The following ANAPC1 variants were observed in gnomAD, a reference collection of about 807,000 sequenced individuals.
ANAPC1 encodes anaphase-promoting complex subunit 1.
ANAPC1 carries 36 observed loss-of-function variants against 208.0 expected under a neutral mutation model. The ratio of observed to expected loss-of-function variants is 0.17; its 90% confidence interval spans 0.13 to 0.23. The LOEUF is 0.23. ANAPC1 is among the 10% of genes least tolerant of loss of function. The probability of loss-of-function intolerance (pLI) is 1.00; values close to 1 mark genes in which losing one functional copy is unlikely to be tolerated. For missense variants in ANAPC1, 942 were observed against 2,011.6 expected, an observed-to-expected ratio of 0.47 and a Z score of 10.17; for synonymous variants, 378 against 695.2, an observed-to-expected ratio of 0.54 and a Z score of 7.18.
chr2:111,797,547 TG>T (rs1291918621), intron 34 of ANAPC1, among the ~76,000 whole-genome samples: 5 of 150,668 alleles, frequency 3.3e-5, no homozygotes, highest in Non-Finnish European at 7.4e-5. Context: ...TTAACAAAAC[TG>T]GAAGAACTAA....
chr2:111,833,097 G>C lies in ANAPC1; in HGVS notation c.2476+123C>G, dbSNP rs904021230. ...ACTACGAACTAAAATCTGCCTGGTG[G>C]AAAGGCACTGCCCCTGACTTAGAAG... On this transcript the variant is annotated intron_variant, in intron 20 of 47. Coordinates refer to ENST00000341068, the MANE Select transcript of ANAPC1 (RefSeq NM_022662.4). 1.5e-5 allele frequency: 20 copies of C among 1,349,340 alleles called. No homozygotes were observed. The Admixed American group carries it at 1.8e-4, about 12-fold the overall frequency. 83.6% of individuals were successfully genotyped at this position (1,349,340 alleles called of 1,614,324 possible).
At chr2:111,859,412 G>A (rs1261321281) in intron 10 of ANAPC1, among the ~76,000 whole-genome samples, 5 of 151,528 alleles carry the variant, frequency 3.3e-5, no homozygotes, top group Admixed American at 6.6e-5. Flanking sequence ...CAGAGGTTGC[G>A]GTGAGCCAAG....
chr2:111,770,216 T>TAC (rs1180968540), intron 47 of ANAPC1, among the ~76,000 whole-genome samples: 10 of 121,882 alleles, frequency 8.2e-5, no homozygotes, highest in African/African-American at 3.3e-4. Context: ...TATATATATA[T>TAC]ATATATATAT....
chr2:111,810,152 T>A (rs1217130896), intron 28 of ANAPC1, among the ~76,000 whole-genome samples: 2 of 152,214 alleles, frequency 1.3e-5, no homozygotes, highest in South Asian at 4.1e-4. Context: ...TGGTACAACA[T>A]GGATGAACCC....
intron 10 of ANAPC1, 149 bp from the exon 11 acceptor site, chr2:111,858,550 G>C: frequency 2.1e-6 from 1 of 467,544 alleles, no homozygotes. Flanking sequence ...CACGAGGTCA[G>C]GAGATCCAGA....
At position 111,880,925 on chromosome 2, in the gene ANAPC1, A is replaced by C. The variant is rs996586622; in HGVS notation, c.-24-76T>G. ...TAAAAATACCATAAACACACAAGTCATTAATCCTTACATGGGTGTCAAGTA... is the reference window on the plus strand; with the variant it reads ...TAAAAATACCATAAACACACAAGTCCTTAATCCTTACATGGGTGTCAAGTA... On this transcript the variant is annotated intron_variant, in intron 1 of 47. Transcript: ENST00000341068. 15 of 1,307,056 alleles carry C rather than the reference A, an allele frequency of 1.1e-5. 1 individual carries two copies. The highest frequency in any genetic ancestry group is 1.0e-4 in the African/African-American group (7 of 67,574). 81.0% of individuals were successfully genotyped at this position (1,307,056 alleles called of 1,614,324 possible).
At chr2:111,875,299 A>G (rs926595232) in intron 3 of ANAPC1, among the ~76,000 whole-genome samples, 1 of 152,184 alleles carries the variant, frequency 6.6e-6, no homozygotes, top group African/African-American at 2.4e-5. Flanking sequence ...GGAGATTTTA[A>G]TGGTTAAGAA....
chr2:111,841,725 C>T (rs894136981), intron 17 of ANAPC1, among the ~76,000 whole-genome samples: 4 of 152,124 alleles, frequency 2.6e-5, no homozygotes, highest in Admixed American at 6.5e-5. Context: ...GTGACGAACG[C>T]AACCTGACGT....
Position 111,821,213 on chromosome 2 carries a change from G to C in ANAPC1, c.3206+26C>G, listed in dbSNP as rs773981254. On this transcript the variant is annotated intron_variant, in intron 26 of 47. Transcript: ENST00000341068. ...CAAATGTAACAATGAAACATGACAA[G>C]AGATAGTGCACGTGTTTTCTTTCAC... 101 of 1,593,928 alleles carry C rather than the reference G, an allele frequency of 6.3e-5. No individual in the cohort carries two copies. In the South Asian group the frequency reaches 1.1e-3, roughly 17 times the overall value.
At chr2:111,876,707 A>C (rs1683041744) in intron 3 of ANAPC1, among the ~76,000 whole-genome samples, 1 of 152,340 alleles carries the variant, frequency 6.6e-6, no homozygotes. Context: ...TGGAATAATG[A>C]TTCAGTTTAT....
At chr2:111,881,558 A>C (rs1683298870) in intron 1 of ANAPC1, among the ~76,000 whole-genome samples, 1 of 152,186 alleles carries the variant, frequency 6.6e-6, no homozygotes, top group African/African-American at 2.4e-5. Flanking sequence ...TCTAATTATT[A>C]ATCTATTACA....
chr2:111,845,615 T>C (rs1163766719), intron 16 of ANAPC1, among the ~76,000 whole-genome samples: 1 of 152,216 alleles, frequency 6.6e-6, no homozygotes, highest in East Asian at 1.9e-4. Context: ...TATTCCATTA[T>C]TATTTGTTTT....
intron 10 of ANAPC1, 106 bp downstream of exon 10, chr2:111,862,283 T>C (rs887246960): frequency 5.6e-5 from 58 of 1,030,600 alleles, no homozygotes; most frequent in Non-Finnish European, 2.0e-5. Context: ...TTTTTACATA[T>C]ATTAATAACT....
intron 3 of ANAPC1, among the ~76,000 whole-genome samples, chr2:111,877,169 A>G (rs1293795717): frequency 1.3e-5 from 2 of 149,202 alleles, no homozygotes; most frequent in Non-Finnish European, 1.5e-5. Context: ...CGTCCCTGAG[A>G]AAAAAATAAT....
intron 29 of ANAPC1, 83 bp downstream of exon 29, chr2:111,808,864 A>G: frequency 6.8e-7 from 1 of 1,478,644 alleles, no homozygotes. Context: ...CTTAATTTTT[A>G]TAATTTTACT....
At position 111,843,657 on chromosome 2, in the gene ANAPC1, T is replaced by C. The variant is rs1037527242; in HGVS notation, c.1853-58A>G. The C allele has an allele frequency of 6.1e-5, 88 of 1,448,138 alleles. 3 individuals carry two copies. Among genetic ancestry groups the C allele is most frequent in the South Asian group, 1.1e-4 (8 of 72,738 alleles). 89.7% of individuals were successfully genotyped at this position (1,448,138 alleles called of 1,614,324 possible). A position where few individuals can be genotyped will look rare whatever the true frequency, so the allele number is the denominator to read the frequency against. On this transcript the variant is annotated intron_variant, in intron 16 of 47. Transcript: ENST00000341068. ...TACTCTGCATGCATTTCTTTTCCCC[T>C]TTCAATCACCAAGTTTTTTAACTTC...
intron 1 of ANAPC1, among the ~76,000 whole-genome samples, chr2:111,881,382 T>C (rs2104618557): frequency 6.6e-6 from 1 of 152,322 alleles, no homozygotes; most frequent in Middle Eastern, 3.4e-3. Flanking sequence ...TTCAAATGTC[T>C]TAAGTAGCTG....
chr2:111,859,400 G>A (rs1021008316), intron 10 of ANAPC1, among the ~76,000 whole-genome samples: 12 of 152,088 alleles, frequency 7.9e-5, no homozygotes, highest in African/African-American at 2.9e-4. Flanking sequence ...GAACCTGGGA[G>A]GCAGAGGTTG....
At chr2:111,855,286 G>A (rs1681638004) in intron 13 of ANAPC1, among the ~76,000 whole-genome samples, 2 of 152,096 alleles carry the variant, frequency 1.3e-5, no homozygotes, top group African/African-American at 4.8e-5. Context: ...ACTGATCACA[G>A]GTCACCATAA....
Sources: gnomAD v4.1 joint callset for allele counts (sites outside exome capture counted in the v4.1 genomes callset) on GRCh38, gnomAD v4.1.1 for gene constraint, MANE v1.5 for transcripts, NCBI Gene and HGNC (gene_info 2026-07-23, HGNC 2026-07-21) for gene names.